PHF8: variants seen among roughly 807,000 people sequenced by gnomAD.
PHF8 encodes the protein PHD finger protein 8.
In PHF8, 9 loss-of-function variants were observed where a neutral mutation model predicts 74.4. The ratio of observed to expected loss-of-function variants is 0.12; its 90% CI spans 0.07 to 0.21. The LOEUF (loss-of-function observed/expected upper bound fraction) is 0.21, where lower values mean the gene tolerates loss of function less well. Ranked by LOEUF, PHF8 falls within the 10% of genes least tolerant of loss-of-function variation. The pLI is 1.00. For missense variants in PHF8, 478 were observed against 816.6 expected (o/e 0.59, Z 5.05); for synonymous variants, 311 against 316.6 (o/e 0.98, Z 0.19).
Position 53,938,396 on chromosome X carries a change from A to C in PHF8, c.*762T>G. 1.2e-6 allele frequency: 1 copy of C among 848,020 alleles called. No homozygotes were observed. Among genetic ancestry groups the C allele is most frequent in the East Asian group, 7.5e-5 (1 of 13,354 alleles). The allele number at this position is 848,020 out of a possible 1,213,427, so 69.9% of individuals were successfully genotyped here. A position where few individuals can be genotyped will look rare whatever the true frequency, so the allele number is the denominator to read the frequency against. ...GGCAAATCCCTGGAGCTCACCCTAAAACAAGTGGCCTCATGTGTAGCCAGC... is the reference window on the plus strand; with the variant it reads ...GGCAAATCCCTGGAGCTCACCCTAACACAAGTGGCCTCATGTGTAGCCAGC... On this transcript the variant is annotated 3_prime_UTR_variant, in exon 22 of 22. Coordinates refer to ENST00000338154, the MANE Select transcript of PHF8 (RefSeq NM_015107.3).
rs138842004 is a variant in PHF8, at chrX:53,992,694, C to A, written c.1730+42G>T. The A allele has an allele frequency of 3.2e-4, 256 of 804,138 alleles. 1 individual carries two copies. The African/African-American group carries it at 4.8e-3, about 15-fold the overall frequency. The allele number at this position is 804,138 out of a possible 1,213,427, so 66.3% of individuals were successfully genotyped here. A position where few individuals can be genotyped will look rare whatever the true frequency, so the allele number is the denominator to read the frequency against. ...GCCCTGTCTCAGTGGCATATTACCA[C>A]TGACAGTCCCAGTACCTCTGTGCTC... On this transcript the variant is annotated intron_variant, in intron 14 of 21. Coordinates refer to ENST00000338154, the MANE Select transcript of PHF8 (RefSeq NM_015107.3).
intron 19 of PHF8, 32 bp downstream of exon 19, chrX:53,962,812 T>C (rs1557091260): frequency 3.5e-6 from 3 of 847,570 alleles, no homozygotes; most frequent in South Asian, 4.0e-5. Context: ...TGACCACCCC[T>C]ACAGAGTTTA....
chrX:54,043,661 C>A (rs781985625), intron 1 of PHF8, 101 bp downstream of exon 1: 1 of 178,363 alleles, frequency 5.6e-6, no homozygotes, highest in African/African-American at 3.1e-5. Flanking sequence ...TTGCAGCCCC[C>A]CCTCAAACTG....
intron 12 of PHF8, among the ~76,000 whole-genome samples, chrX:53,995,424 CTG>C (rs2065730940): frequency 8.9e-6 from 1 of 112,223 alleles, no homozygotes; most frequent in Admixed American, 9.5e-5. Flanking sequence ...GATGAGGAAA[CTG>C]AAACTCAAAG....
intron 19 of PHF8, among the ~76,000 whole-genome samples, chrX:53,957,219 G>C (rs185276122): frequency 9.1e-6 from 1 of 109,756 alleles, no homozygotes; most frequent in Non-Finnish European, 1.9e-5. Flanking sequence ...AGCTGGGTGC[G>C]GTGGTGCGTG....
intron 1 of PHF8, among the ~76,000 whole-genome samples, chrX:54,043,386 C>G (rs2066596908): frequency 9.0e-6 from 1 of 110,875 alleles, no homozygotes; most frequent in African/African-American, 3.3e-5. Flanking sequence ...GGGTCGTGTT[C>G]GGAGAGTTTA....
At chrX:53,990,904 T>C (rs1436932870) in intron 14 of PHF8, among the ~76,000 whole-genome samples, 1 of 111,938 alleles carries the variant, frequency 8.9e-6, no homozygotes, top group Non-Finnish European at 1.9e-5. Context: ...ATTATCACCA[T>C]CTTCATGGAG....
In PHF8 at chrX:53,985,212, A is replaced by G. The variant is rs1034485679; in HGVS notation, c.2145T>C (p.Ser715=). The G allele has an allele frequency of 1.8e-5, 22 of 1,198,018 alleles. No individual in the cohort carries two copies. Among genetic ancestry groups the G allele is most frequent in the Middle Eastern group, 2.3e-4 (1 of 4,311 alleles). The change falls in exon 18 of 22, where the codon TCT becomes TCC. Residue 715 remains serine, a synonymous_variant. Transcript: ENST00000338154. ...CCTGGATGGCCTCCTGAGTGCTGGG[A>G]GAAGCTGGGGCCTCGCTGCAAGGAA... ...DYAALTEAPA[S]PSTQEAIQGM...
At chrX:53,963,027 C>A in intron 18 of PHF8, 88 bp from the exon 19 acceptor site, 1 of 585,065 alleles carries the variant, frequency 1.7e-6, no homozygotes. Flanking sequence ...CTGCCCTTCC[C>A]CTACAAATGT....
At chrX:54,027,704 C>T (rs782145231) in intron 2 of PHF8, among the ~76,000 whole-genome samples, 82 of 111,369 alleles carry the variant, frequency 7.4e-4, no homozygotes, top group African/African-American at 2.7e-3. Flanking sequence ...ACTTCTATAA[C>T]GTCCCATCTG....
upstream of PHF8, among the ~76,000 whole-genome samples, chrX:54,045,600 A>C (rs186138349): frequency 1.6e-3 from 186 of 112,855 alleles, no homozygotes; most frequent in African/African-American, 5.6e-3. Flanking sequence ...ATGAAGCTAC[A>C]AAAGAGCCTT....
chrX:53,985,769 G>A (rs782141213), intron 17 of PHF8, 47 bp downstream of exon 17: 6 of 1,209,288 alleles, frequency 5.0e-6, no homozygotes, highest in Non-Finnish European at 4.5e-6. Context: ...GGGAGCGGGG[G>A]TTGCTGTCTG....
intron 19 of PHF8, among the ~76,000 whole-genome samples, chrX:53,955,893 GTTC>G (rs1212904159): frequency 2.7e-5 from 3 of 111,461 alleles, no homozygotes; most frequent in African/African-American, 9.8e-5. Flanking sequence ...TAAACTTGGT[GTTC>G]TTCTTCATTT....
intron 14 of PHF8, among the ~76,000 whole-genome samples, chrX:53,990,429 C>A (rs781836292): frequency 1.8e-3 from 200 of 111,108 alleles, no homozygotes; most frequent in African/African-American, 6.4e-3. Flanking sequence ...ACAAGAAGGA[C>A]TGCTGGGGGT....
At chrX:53,942,836 C>G in intron 20 of PHF8, 2 of 742,978 alleles carry the variant, frequency 2.7e-6, no homozygotes, top group Non-Finnish European at 1.6e-6. Flanking sequence ...GATATACTCA[C>G]TGAGGGGACT....
intron 17 of PHF8, 183 bp downstream of exon 17, chrX:53,985,633 A>T: frequency 2.5e-6 from 2 of 786,720 alleles, no homozygotes; most frequent in Non-Finnish European, 3.8e-6. Flanking sequence ...TTGCCATCAG[A>T]TCTTAAGTTC....
In PHF8 at chrX:53,938,187, C is replaced by A; in HGVS notation, c.*971G>T. ...CCCAGGTGTGGGCCGTCCCGCCACA[C>A]CCTCCATAATGTCCAGGCTGTGCTC... On this transcript the variant is annotated 3_prime_UTR_variant, in exon 22 of 22. Coordinates refer to ENST00000338154, the MANE Select transcript of PHF8 (RefSeq NM_015107.3). 2.7e-6 allele frequency: 3 copies of A among 1,099,946 alleles called. No individual in the cohort carries two copies. Among genetic ancestry groups the A allele is most frequent in the Non-Finnish European group, 3.6e-6 (3 of 841,663 alleles). 90.6% of individuals were successfully genotyped at this position (1,099,946 alleles called of 1,213,427 possible). A position where few individuals can be genotyped will look rare whatever the true frequency, so the allele number is the denominator to read the frequency against.
chrX:53,951,989 T>A (rs1198443034), intron 19 of PHF8, among the ~76,000 whole-genome samples: 5 of 110,878 alleles, frequency 4.5e-5, no homozygotes, highest in Non-Finnish European at 9.4e-5. Context: ...ACCTTACCTA[T>A]AAGAAATGCT....
chrX:53,961,596 G>A (rs2149795130), intron 19 of PHF8, among the ~76,000 whole-genome samples: 1 of 111,712 alleles, frequency 9.0e-6, no homozygotes, highest in East Asian at 2.8e-4. Context: ...TGGGATTACA[G>A]GTGTGAGCCA....
Sources: allele counts gnomAD v4.1 joint callset (sites outside exome capture counted in the v4.1 genomes callset), GRCh38; gene constraint gnomAD v4.1.1; transcripts MANE v1.5; gene names NCBI Gene and HGNC (gene_info 2026-07-23, HGNC 2026-07-21).